TENM3: variants seen among roughly 807,000 people sequenced by gnomAD.
The protein encoded by TENM3 is teneurin transmembrane protein 3.
In TENM3, 63 loss-of-function variants were observed where a neutral mutation model predicts 255.1. That is an observed-to-expected ratio of 0.25 (90% CI 0.20 to 0.30). The LOEUF is 0.30. Among genes scored for constraint, TENM3 ranks in the 10% least tolerant of loss-of-function variants. The pLI is 1.00. For missense variants in TENM3, 2,929 were observed against 3,461.1 expected (o/e 0.85, Z 3.86); for synonymous variants, 1,306 against 1,322.3 (o/e 0.99, Z 0.27).
intron 3 of TENM3, among the ~76,000 whole-genome samples, chr4:182,462,798 A>G (rs898257912): frequency 5.3e-5 from 8 of 151,862 alleles, no homozygotes; most frequent in African/African-American, 1.9e-4. Context: ...GAGGCAGGAG[A>G]ATCACTAGAA....
intron 1 of TENM3, among the ~76,000 whole-genome samples, chr4:182,204,423 G>A (rs1754413865): frequency 6.6e-6 from 1 of 152,170 alleles, no homozygotes; most frequent in Admixed American, 6.5e-5. Flanking sequence ...GGGGAGAGGG[G>A]AAGAGTGAAT....
intron 1 of TENM3, among the ~76,000 whole-genome samples, chr4:182,192,988 C>T (rs1229186696): frequency 2.0e-5 from 3 of 152,178 alleles, no homozygotes; most frequent in Non-Finnish European, 4.4e-5. Flanking sequence ...CCAGCAATTA[C>T]TCACCTAATC....
At chr4:182,732,687 C>T (rs1046114295) in intron 16 of TENM3, among the ~76,000 whole-genome samples, 36 of 152,158 alleles carry the variant, frequency 2.4e-4, no homozygotes, top group African/African-American at 8.2e-4. Flanking sequence ...ATTAGCCAGG[C>T]GTGGTGGCAT....
Position 182,390,397 on chromosome 4 carries a change from C to CT in TENM3, c.511+43473dup, listed in dbSNP as rs1448132501. Among the ~76,000 whole-genome samples, 3 of 152,182 alleles carry CT rather than the reference C, an allele frequency of 2.0e-5. No individual in the cohort carries two copies. In the South Asian group the frequency reaches 6.2e-4, roughly 32 times the overall value. ...TCACATTCTTTAAAAGAGCTATGGC[C>CT]TTTTTGTTGTGGTGGTTGTTGTTGC... On this transcript the variant is annotated intron_variant, in intron 3 of 27. Coordinates refer to ENST00000511685, the MANE Select transcript of TENM3 (RefSeq NM_001080477.4).
chr4:181,471,742 A>G, the TENM3 span, among the ~76,000 whole-genome samples: 7 of 152,224 alleles, frequency 4.6e-5, no homozygotes, highest in African/African-American at 1.7e-4. Context: ...TGCAAGGCTC[A>G]TGGCTGACAT....
At chr4:182,004,510 T>C in the TENM3 span, among the ~76,000 whole-genome samples, 1 of 152,214 alleles carries the variant, frequency 6.6e-6, no homozygotes, top group Non-Finnish European at 1.5e-5. Context: ...GTCTTTGCTA[T>C]TGCAAATAGT....
the TENM3 span, among the ~76,000 whole-genome samples, chr4:181,998,292 A>G: frequency 5.9e-5 from 9 of 152,156 alleles, no homozygotes; most frequent in Non-Finnish European, 1.0e-4. Context: ...CCTAAGAGGG[A>G]CCATGCCCAC....
intron 3 of TENM3, among the ~76,000 whole-genome samples, chr4:182,458,718 C>T (rs927005746): frequency 6.6e-6 from 1 of 152,172 alleles, no homozygotes; most frequent in Non-Finnish European, 1.5e-5. Context: ...TTTTTCCATA[C>T]ATGTCCTGCT....
At chr4:181,868,958 G>A in the TENM3 span, among the ~76,000 whole-genome samples, 33 of 150,284 alleles carry the variant, frequency 2.2e-4, no homozygotes, top group Non-Finnish European at 4.0e-4. Flanking sequence ...CTAACACTTC[G>A]AATGCTCCAC....
chr4:181,685,336 T>A, the TENM3 span, among the ~76,000 whole-genome samples: 11 of 152,198 alleles, frequency 7.2e-5, no homozygotes, highest in Non-Finnish European at 1.6e-4. Context: ...AAATATGCAC[T>A]GCTGAAAATC....
At chr4:182,248,346 T>C (rs1404151316) in intron 1 of TENM3, among the ~76,000 whole-genome samples, 2 of 152,134 alleles carry the variant, frequency 1.3e-5, no homozygotes, top group Non-Finnish European at 2.9e-5. Flanking sequence ...AAAATGGAAA[T>C]TCTTAGACCA....
intron 19 of TENM3, among the ~76,000 whole-genome samples, chr4:182,747,250 C>T (rs1047734718): frequency 1.3e-5 from 2 of 152,026 alleles, no homozygotes; most frequent in African/African-American, 2.4e-5. Context: ...TAAACAGTCT[C>T]GTTAGTTGGA....
the TENM3 span, among the ~76,000 whole-genome samples, chr4:181,692,446 A>G: frequency 6.6e-6 from 1 of 152,210 alleles, no homozygotes; most frequent in Non-Finnish European, 1.5e-5. Context: ...TTACCAGTTC[A>G]AAGTTCTAAC....
chr4:182,456,837 A>G (rs1386104455), intron 3 of TENM3, among the ~76,000 whole-genome samples: 2 of 152,120 alleles, frequency 1.3e-5, no homozygotes, highest in African/African-American at 4.8e-5. Context: ...AAGAAGAGGA[A>G]AAGAAACTCC....
chr4:182,051,490 G>T, the TENM3 span, among the ~76,000 whole-genome samples: 48 of 149,096 alleles, frequency 3.2e-4, no homozygotes, highest in African/African-American at 1.2e-3. Context: ...CCATTCTCCT[G>T]CCTCAGCCTC....
intron 3 of TENM3, among the ~76,000 whole-genome samples, chr4:182,446,281 C>T (rs956182846): frequency 6.6e-6 from 1 of 152,170 alleles, no homozygotes; most frequent in Non-Finnish European, 1.5e-5. Context: ...ACTAGATATA[C>T]ATGTAGAATA....
intron 3 of TENM3, among the ~76,000 whole-genome samples, chr4:182,386,801 C>G (rs924833925): frequency 6.6e-6 from 1 of 152,232 alleles, no homozygotes; most frequent in Non-Finnish European, 1.5e-5. Context: ...GGCAGGCCTC[C>G]GGACTGAAGC....
the TENM3 span, among the ~76,000 whole-genome samples, chr4:181,533,206 A>G: frequency 1.3e-5 from 2 of 152,276 alleles, no homozygotes; most frequent in East Asian, 3.9e-4. Context: ...AAATAAATGT[A>G]ACCCTTATGG....
chr4:182,329,190 G>A (rs562460020), intron 2 of TENM3, among the ~76,000 whole-genome samples: 4 of 152,300 alleles, frequency 2.6e-5, no homozygotes, highest in African/African-American at 9.6e-5. Flanking sequence ...TGTTAGGATC[G>A]TGAAGGACCA....
Sources: allele counts gnomAD v4.1 joint callset (sites outside exome capture counted in the v4.1 genomes callset), GRCh38; gene constraint gnomAD v4.1.1; transcripts MANE v1.5; gene names NCBI Gene and HGNC (gene_info 2026-07-23, HGNC 2026-07-21).